Variants in COBLL1 observed in about 807,000 individuals in gnomAD.
COBLL1 encodes the protein cordon-bleu WH2 repeat protein like 1.
In COBLL1, 50 loss-of-function variants were observed where a neutral mutation model predicts 94.8. That is an observed-to-expected ratio of 0.53 (90% confidence interval 0.42 to 0.67). COBLL1 has a LOEUF of 0.67. Ranked by LOEUF, COBLL1 falls within the 30% of genes least tolerant of loss-of-function variation. The probability of loss-of-function intolerance (pLI) is 0.00; values close to 1 mark genes in which losing one functional copy is unlikely to be tolerated. For synonymous variants in COBLL1, 448 were observed against 473.8 expected (o/e 0.95, Z 0.71); for missense variants, 1,362 against 1,348.7 (o/e 1.01, Z -0.15).
Position 164,728,045 on chromosome 2 carries a change from C to A in COBLL1, c.585G>T (p.Ser195=), listed in dbSNP as rs779111471. 68 of 1,613,560 alleles carry A rather than the reference C, an allele frequency of 4.2e-5. No homozygotes were observed. The highest frequency in any genetic ancestry group is 5.5e-5 in the Non-Finnish European group (65 of 1,179,676). Residue 195 remains serine, a synonymous_variant, in exon 5 of 14, where the codon TCG becomes TCT. Transcript: ENST00000652658. ...ATTTTGTCAAGTCAAGAGGCTCCTGCGATTGATAATCTTTCAACAATAGTG... is the reference window on the plus strand; with the variant it reads ...ATTTTGTCAAGTCAAGAGGCTCCTGAGATTGATAATCTTTCAACAATAGTG... ...LHTLLLKDYQ[S]QEPLDLTKSL... is the part of the protein sequence containing the mutation.
Position 164,683,833 on chromosome 2 carries a change from G to A in COBLL1, c.*2113C>T, listed in dbSNP as rs1244853044. The A allele has an allele frequency of 6.6e-6, 1 of 152,150 alleles. No homozygotes were observed. Among genetic ancestry groups the A allele is most frequent in the Non-Finnish European group, 1.5e-5 (1 of 68,022 alleles). 9.4% of individuals were successfully genotyped at this position (152,150 alleles called of 1,614,324 possible). On this transcript the variant is annotated 3_prime_UTR_variant, in exon 14 of 14. Transcript: ENST00000652658. ...TGTTCATTTGGACTGCTGTGTGGAA[G>A]TCTATCATATGAATATATGCATTAC...
intron 1 of COBLL1, among the ~76,000 whole-genome samples, chr2:164,666,840 C>G (rs965951758): frequency 2.6e-5 from 4 of 152,194 alleles, no homozygotes; most frequent in Non-Finnish European, 5.9e-5. Flanking sequence ...ATTTCTACCA[C>G]ATCTGCTGTG....
At chr2:164,772,631 TTTTTC>T (rs1210410347) in intron 2 of COBLL1, among the ~76,000 whole-genome samples, 2 of 152,064 alleles carry the variant, frequency 1.3e-5, no homozygotes, top group African/African-American at 4.8e-5. Context: ...TTAATTCAAT[TTTTTC>T]TTTTAAGTCA....
chr2:164,754,082 G>A (rs1687271908), intron 2 of COBLL1, among the ~76,000 whole-genome samples: 1 of 151,788 alleles, frequency 6.6e-6, no homozygotes, highest in Non-Finnish European at 1.5e-5. Context: ...ATACAGATCG[G>A]GTATTTCCAA....
chr2:164,680,125 G>A (rs1327456019), downstream of COBLL1: 1 of 151,900 alleles, frequency 6.6e-6, no homozygotes, highest in Non-Finnish European at 1.5e-5. Flanking sequence ...GGTGGAAGGA[G>A]AACAAATGGC....
At chr2:164,773,944 G>C (rs1688337324) in intron 2 of COBLL1, 1 of 158,680 alleles carries the variant, frequency 6.3e-6, no homozygotes. Context: ...AAGAGAATGT[G>C]CTTTATGCAA....
chr2:164,733,303 G>A (rs1686120470), intron 3 of COBLL1, among the ~76,000 whole-genome samples: 1 of 151,326 alleles, frequency 6.6e-6, no homozygotes, highest in Non-Finnish European at 1.5e-5. Flanking sequence ...TTAACATAAT[G>A]GCCTATTCCC....
intron 2 of COBLL1, among the ~76,000 whole-genome samples, chr2:164,814,656 T>C (rs866767419): frequency 1.3e-5 from 2 of 152,164 alleles, no homozygotes; most frequent in South Asian, 2.1e-4. Flanking sequence ...AGTATCTCCA[T>C]AGGAAGTCCT....
Position 164,779,098 on chromosome 2 carries a change from CTTGTTGTTG to C in COBLL1, c.42-35232_42-35224del, listed in dbSNP as rs3835928. On this transcript the variant is annotated intron_variant, in intron 2 of 13. Transcript: ENST00000652658. ...CGCAGTCTCCAAATGAGATCAATTG[CTTGTTGTTG>C]TTGTTGTTGTTGTTTTGTTTTTCCC... 7.9e-5 allele frequency among the ~76,000 whole-genome samples: 12 copies of C among 151,494 alleles called. No homozygotes were observed. In the South Asian group the frequency reaches 8.3e-4, roughly 11 times the overall value.
At chr2:164,805,279 C>T (rs931693457) in intron 2 of COBLL1, among the ~76,000 whole-genome samples, 17 of 70,624 alleles carry the variant, frequency 2.4e-4, no homozygotes, top group African/African-American at 9.4e-4. Context: ...ATATTATTCT[C>T]TCTGTCTGTC....
At chr2:164,713,569 G>C (rs1378645748) in intron 7 of COBLL1, among the ~76,000 whole-genome samples, 1 of 152,100 alleles carries the variant, frequency 6.6e-6, no homozygotes, top group Non-Finnish European at 1.5e-5. Flanking sequence ...GAGTGGCCAA[G>C]CTTGCCACTA....
chr2:164,805,321 C>T (rs1227994590), intron 2 of COBLL1, among the ~76,000 whole-genome samples: 3 of 35,584 alleles, frequency 8.4e-5, no homozygotes, highest in African/African-American at 3.3e-4. Context: ...CTCTCTCTCT[C>T]TCTCTCTCTC....
Position 164,743,824 on chromosome 2 carries a change from A to C in COBLL1, c.93T>G (p.Thr31=). ...APLPPAETKY[T]DVSSAADSVE... The stretch of plus-strand genomic sequence containing the variant: ...CAGAATCAGCAGCTGAAGAGACATC[A>C]GTATATTTGGTCTCAGCTGGAGGAA... Residue 31 remains threonine (T), a synonymous_variant, in exon 3 of 14, where the codon ACT becomes ACG. Transcript: ENST00000652658. The C allele has an allele frequency of 6.2e-7, 1 of 1,612,242 alleles. No homozygotes were observed. Among genetic ancestry groups the C allele is most frequent in the Non-Finnish European group, 8.5e-7 (1 of 1,178,866 alleles).
chr2:164,704,399 C>T (rs377569390), intron 9 of COBLL1, 45 bp downstream of exon 9: 33 of 1,215,726 alleles, frequency 2.7e-5, no homozygotes, highest in Non-Finnish European at 3.7e-5. Flanking sequence ...TTATCATGGA[C>T]GTCCTTTTTC....
Position 164,685,946 on chromosome 2 carries a change from T to C in COBLL1, c.3387A>G (p.Ter1129=), listed in dbSNP as rs2105405408. The stretch of plus-strand genomic sequence containing the variant: ...GTGCAGTGGTGTGGCAGGGTAACAT[T>C]TAATGGCCGTCCTGGGCATCAGGGG... The part of the protein sequence containing the change: ...SMSPDAQDGH[*] Residue 1129 remains the stop codon, a stop_retained_variant, in exon 14 of 14, where the codon TAA becomes TAG. Transcript: ENST00000652658. 6.3e-7 allele frequency: 1 copy of C among 1,595,862 alleles called. No homozygotes were observed. The highest frequency in any genetic ancestry group is 8.6e-7 in the Non-Finnish European group (1 of 1,164,824).
intron 2 of COBLL1, among the ~76,000 whole-genome samples, chr2:164,776,966 G>T (rs1287797728): frequency 6.6e-6 from 1 of 152,022 alleles, no homozygotes. Context: ...AGTAACTAAA[G>T]ACAGTTCCCA....
intron 13 of COBLL1, among the ~76,000 whole-genome samples, chr2:164,689,325 C>T (rs1683472400): frequency 6.6e-6 from 1 of 151,918 alleles, no homozygotes; most frequent in African/African-American, 2.4e-5. Flanking sequence ...CATTTGGGTG[C>T]CAAGATATAG....
chr2:164,670,068 G>C (rs1240012079), intron 1 of COBLL1, among the ~76,000 whole-genome samples: 1 of 152,162 alleles, frequency 6.6e-6, no homozygotes, highest in Non-Finnish European at 1.5e-5. Context: ...AACAGCAGCT[G>C]ACATGATTGA....
chr2:164,838,777 T>A (rs1382042051), intron 2 of COBLL1, among the ~76,000 whole-genome samples: 1 of 152,200 alleles, frequency 6.6e-6, no homozygotes. Flanking sequence ...AAGACTAAAC[T>A]AGGCTTCATT....
Sources: allele counts gnomAD v4.1 joint callset (sites outside exome capture counted in the v4.1 genomes callset), GRCh38; gene constraint gnomAD v4.1.1; transcripts MANE v1.5; gene names NCBI Gene and HGNC (gene_info 2026-07-23, HGNC 2026-07-21).